Variants in TGFBI observed in about 807,000 individuals in gnomAD.
The protein encoded by TGFBI is transforming growth factor beta induced.
A neutral mutation model predicts 73.7 loss-of-function variants in TGFBI; 50 were observed. The observed-to-expected ratio is 0.68, with a 90% CI of 0.54 to 0.86. TGFBI has a LOEUF of 0.86. TGFBI is among the 40% of genes least tolerant of loss of function. The pLI, the probability that TGFBI is intolerant of heterozygous loss-of-function variation, is 0.00. For synonymous variants in TGFBI, 362 were observed against 360.5 expected (o/e 1.00, Z -0.05); for missense variants, 839 against 877.0 (o/e 0.96, Z 0.55).
intron 2 of TGFBI, among the ~76,000 whole-genome samples, chr5:136,037,475 G>T (rs1469234646): frequency 6.6e-6 from 1 of 152,158 alleles, no homozygotes. Flanking sequence ...CTTTGTGCTA[G>T]CCCCAGGGAG....
At chr5:136,033,340 A>G (rs528715694) in intron 1 of TGFBI, among the ~76,000 whole-genome samples, 2 of 152,280 alleles carry the variant, frequency 1.3e-5, no homozygotes, top group African/African-American at 4.8e-5. Context: ...GCAACCAGCC[A>G]TGGTTTAAAC....
intron 5 of TGFBI, 94 bp downstream of exon 5, chr5:136,047,109 G>A: frequency 6.5e-7 from 1 of 1,546,700 alleles, no homozygotes; most frequent in South Asian, 1.2e-5. Context: ...TTAAGCTGTA[G>A]ACAACCCACC....
chr5:136,031,356 G>A (rs1432861545), intron 1 of TGFBI, among the ~76,000 whole-genome samples: 1 of 152,256 alleles, frequency 6.6e-6, no homozygotes, highest in African/African-American at 2.4e-5. Flanking sequence ...GAAAGGGAAG[G>A]AAAACTTTGC....
intron 3 of TGFBI, 81 bp downstream of exon 3, chr5:136,044,203 G>T (rs1387918971): frequency 2.4e-5 from 30 of 1,259,748 alleles, no homozygotes; most frequent in Non-Finnish European, 3.3e-5. Context: ...ATAAAAGGCA[G>T]CAGAGTGTGA....
intron 6 of TGFBI, 131 bp from the exon 7 acceptor site, chr5:136,049,308 G>C (rs1049343190): frequency 1.6e-5 from 21 of 1,277,624 alleles, no homozygotes; most frequent in Non-Finnish European, 2.2e-5. Flanking sequence ...CTTGGGTTTG[G>C]CTTCTGTTTT....
chr5:136,051,366 G>T (rs531064086), intron 7 of TGFBI, among the ~76,000 whole-genome samples: 1 of 152,178 alleles, frequency 6.6e-6, no homozygotes, highest in South Asian at 2.1e-4. Context: ...GGAGGCAGAA[G>T]TTGCAATAAG....
In TGFBI at chr5:136,063,210, A is replaced by T; in HGVS notation, c.2036A>T (p.Glu679Val). 6.2e-7 allele frequency: 1 copy of T among 1,613,854 alleles called. No individual in the cohort carries two copies. Among genetic ancestry groups the T allele is most frequent in the Non-Finnish European group, 8.5e-7 (1 of 1,179,800 alleles). ...GCCCCTGTCTATCAAAAGTTATTAG[A>T]GAGGATGAAGCATTAGCTTGAAGCA... Reference protein sequence around the residue: ...RLAPVYQKLLERMKH With the variant: ...RLAPVYQKLLVRMKH Residue 679 changes from glutamate (E) to valine (V), a missense_variant, in exon 17 of 17, where the codon GAG becomes GTG. Physicochemically the swap from Glu to Val is moderately radical, Grantham distance 121. Transcript: ENST00000442011.
In TGFBI at chr5:136,046,985, C is replaced by T. The variant is rs375363208; in HGVS notation, c.594C>T (p.Ser198=). The stretch of plus-strand genomic sequence containing the variant: ...CCCTCACCTCTATGTACCAGAATTC[C>T]AACATCCAGATCCACCACTATCCTA... The part of the protein sequence containing the change: ...GMTLTSMYQN[S]NIQIHHYPNG... Residue 198 remains serine (S), a synonymous_variant, in exon 5 of 17, where the codon TCC becomes TCT. Transcript: ENST00000442011. The T allele has an allele frequency of 6.2e-7, 1 of 1,613,310 alleles. No homozygotes were observed. The highest frequency in any genetic ancestry group is 8.5e-7 in the Non-Finnish European group (1 of 1,179,854).
chr5:136,038,208 G>T (rs1751264333), intron 2 of TGFBI, among the ~76,000 whole-genome samples: 2 of 152,180 alleles, frequency 1.3e-5, no homozygotes, highest in Admixed American at 6.5e-5. Context: ...ATTCTGTTGG[G>T]TATTTACATG....
intron 1 of TGFBI, among the ~76,000 whole-genome samples, chr5:136,033,243 C>T (rs1441320312): frequency 6.6e-6 from 1 of 152,114 alleles, no homozygotes; most frequent in Non-Finnish European, 1.5e-5. Flanking sequence ...GAGAAAGGCT[C>T]CTGGGGGAAG....
At position 136,040,459 on chromosome 5, in the gene TGFBI, G is replaced by T. The variant is rs187462557; in HGVS notation, c.234-3599G>T. ...GTCCGAATACTATTGTGAACTGTGC[G>T]TGTAAGGGATCTAGCTTGTGCATTC... On this transcript the variant is annotated intron_variant, in intron 2 of 16. Coordinates refer to ENST00000442011, the MANE Select transcript of TGFBI (RefSeq NM_000358.3). Among the ~76,000 whole-genome samples, 41 of 152,312 alleles carry T rather than the reference G, an allele frequency of 2.7e-4. No individual in the cohort carries two copies. The South Asian group carries it at 7.3e-3, about 27-fold the overall frequency.
intron 2 of TGFBI, among the ~76,000 whole-genome samples, chr5:136,036,020 C>T (rs887809109): frequency 1.9e-4 from 29 of 152,196 alleles, no homozygotes; most frequent in African/African-American, 6.3e-4. Context: ...AGTGATGAGT[C>T]GCCTTGGCTC....
chr5:136,056,786 A>C lies in TGFBI; in HGVS notation c.1669A>C (p.Arg557=), dbSNP rs1580721068. Residue 557 remains arginine, a synonymous_variant, in exon 12 of 17, where the codon AGA becomes CGA. Transcript: ENST00000442011. ...FRALPPRERS[R]LLGDAKELAN... Reference sequence around the variant, plus strand: ...AGCCCTGCCACCAAGAGAACGGAGCAGACTCTTGGGTAAAGACCAACTTAA... The same window carrying C: ...AGCCCTGCCACCAAGAGAACGGAGCCGACTCTTGGGTAAAGACCAACTTAA... 6.2e-7 allele frequency: 1 copy of C among 1,613,504 alleles called. No homozygotes were observed. The highest frequency in any genetic ancestry group is 8.5e-7 in the Non-Finnish European group (1 of 1,179,640).
At chr5:136,051,505 A>G (rs1751534495) in intron 7 of TGFBI, among the ~76,000 whole-genome samples, 1 of 152,206 alleles carries the variant, frequency 6.6e-6, no homozygotes, top group Non-Finnish European at 1.5e-5. Flanking sequence ...AAAGGCCCCT[A>G]CTTCGTCCCT....
intron 1 of TGFBI, among the ~76,000 whole-genome samples, chr5:136,031,448 C>T (rs1016571935): frequency 2.0e-5 from 3 of 152,358 alleles, no homozygotes; most frequent in South Asian, 4.1e-4. Flanking sequence ...CACTCGATTG[C>T]CGCTTTTGCT....
In TGFBI at chr5:136,056,658, T is replaced by C. The variant is rs775730175; in HGVS notation, c.1548-7T>C. 2 of 1,613,844 alleles carry C rather than the reference T, an allele frequency of 1.2e-6. No individual in the cohort carries two copies. Among genetic ancestry groups the C allele is most frequent in the East Asian group, 2.2e-5 (1 of 44,868 alleles). The stretch of plus-strand genomic sequence containing the variant: ...ACAGGTGACATTTTCTGTGTGTGTA[T>C]CTACAGCATGCTGGTAGCTGCCATC... On this transcript the variant is annotated splice_region_variant and splice_polypyrimidine_tract_variant and intron_variant, in intron 11 of 16. Coordinates refer to ENST00000442011, the MANE Select transcript of TGFBI (RefSeq NM_000358.3).
At chr5:136,047,468 C>T (rs1751452963) in intron 6 of TGFBI, 48 bp downstream of exon 6, 1 of 1,609,344 alleles carries the variant, frequency 6.2e-7, no homozygotes, top group Non-Finnish European at 8.5e-7. Flanking sequence ...CACATTGCCT[C>T]CCAAGAGGGG....
At chr5:136,061,111 C>A in intron 14 of TGFBI, 175 bp downstream of exon 14, 1 of 600,988 alleles carries the variant, frequency 1.7e-6, no homozygotes, top group Non-Finnish European at 3.0e-6. Flanking sequence ...TTTGAATGCA[C>A]CACACTAAGG....
intron 1 of TGFBI, among the ~76,000 whole-genome samples, chr5:136,030,796 C>T (rs62364447): frequency 0.015 from 2,227 of 152,236 alleles, 41 homozygotes; most frequent in Non-Finnish European, 0.019. Flanking sequence ...TGTATCTTCG[C>T]CACTAAGTCA....
Sources: allele counts gnomAD v4.1 joint callset (sites outside exome capture counted in the v4.1 genomes callset), GRCh38; gene constraint gnomAD v4.1.1; transcripts MANE v1.5; gene names NCBI Gene and HGNC (gene_info 2026-07-23, HGNC 2026-07-21).